Variants in NUP93 observed in about 807,000 individuals in gnomAD.
NUP93 encodes the protein nuclear pore complex protein Nup93.
In NUP93, 55 loss-of-function variants were observed where a neutral mutation model predicts 107.8. The ratio of observed to expected loss-of-function variants is 0.51; its 90% CI spans 0.41 to 0.64. The LOEUF is 0.64. Ranked by LOEUF, NUP93 falls within the 30% of genes least tolerant of loss-of-function variation. NUP93 has a pLI of 0.00. For missense variants in NUP93, 937 were observed against 1,044.7 expected, an observed-to-expected ratio of 0.90 and a Z score of 1.42; for synonymous variants, 390 against 397.5, an observed-to-expected ratio of 0.98 and a Z score of 0.22.
intron 3 of NUP93, among the ~76,000 whole-genome samples, chr16:56,790,096 TCAAAACAAAACAAAACAAAA>T (rs57242557): frequency 6.7e-6 from 1 of 149,204 alleles, no homozygotes; most frequent in Non-Finnish European, 1.5e-5. Flanking sequence ...AAACTCCATC[TCAAAACAAAACAAAACAAAA>T]CAAAACAAAA....
chr16:56,789,298 A>T (rs770610759), intron 3 of NUP93, among the ~76,000 whole-genome samples: 1 of 152,238 alleles, frequency 6.6e-6, no homozygotes, highest in Admixed American at 6.5e-5. Flanking sequence ...ATGCACATTC[A>T]ATTCTCTTTA....
At chr16:56,737,613 C>A (rs77448494) in intron 1 of NUP93, among the ~76,000 whole-genome samples, 3,369 of 139,782 alleles carry the variant, frequency 0.024, 67 homozygotes, top group East Asian at 0.087. Context: ...TAAATGGAGT[C>A]ATACGGTGCT....
intron 3 of NUP93, among the ~76,000 whole-genome samples, chr16:56,761,694 G>A (rs75751223): frequency 0.042 from 6,455 of 152,134 alleles, 202 homozygotes; most frequent in East Asian, 0.077. Flanking sequence ...GACAAGTACC[G>A]TCCAGGACTT....
intron 3 of NUP93, among the ~76,000 whole-genome samples, chr16:56,777,344 A>T (rs1239683838): frequency 2.0e-5 from 3 of 152,124 alleles, no homozygotes; most frequent in African/African-American, 7.2e-5. Context: ...TAGTCATATC[A>T]AAGTCAGAAC....
chr16:56,746,266 C>T (rs1034927724), intron 1 of NUP93, among the ~76,000 whole-genome samples: 1 of 152,134 alleles, frequency 6.6e-6, no homozygotes, highest in Non-Finnish European at 1.5e-5. Flanking sequence ...TGGCCTTGAA[C>T]ATTCCTGAGA....
At chr16:56,746,685 T>C (rs1961825951) in intron 1 of NUP93, among the ~76,000 whole-genome samples, 1 of 152,242 alleles carries the variant, frequency 6.6e-6, no homozygotes. Flanking sequence ...CTGTGCTTCA[T>C]AGCTGACATA....
At chr16:56,814,985 CTT>C (rs1298070501) in intron 5 of NUP93, among the ~76,000 whole-genome samples, 1 of 152,180 alleles carries the variant, frequency 6.6e-6, no homozygotes, top group African/African-American at 2.4e-5. Context: ...GGATAATTGA[CTT>C]TATGTGCGGG....
chr16:56,767,641 A>G (rs1962238523), intron 3 of NUP93, among the ~76,000 whole-genome samples: 1 of 152,156 alleles, frequency 6.6e-6, no homozygotes, highest in Non-Finnish European at 1.5e-5. Context: ...AGGTTATATG[A>G]TATGCTTGAT....
At chr16:56,793,108 C>T (rs533508215) in intron 3 of NUP93, among the ~76,000 whole-genome samples, 2 of 152,244 alleles carry the variant, frequency 1.3e-5, no homozygotes, top group East Asian at 3.9e-4. Flanking sequence ...GTGTCTGGCC[C>T]TTAATTGCTT....
At position 56,754,187 on chromosome 16, in the gene NUP93, A is replaced by G. The variant is rs1024802274; in HGVS notation, c.180-4351A>G. Among the ~76,000 whole-genome samples, 10 of 151,780 alleles carry G rather than the reference A, an allele frequency of 6.6e-5. No individual in the cohort carries two copies. In the South Asian group the frequency reaches 2.1e-3, roughly 32 times the overall value. ...CCAAATCTTATGGGAACTCACGGTC[A>G]TGAGAACAGCAAAGGGGAAGTCTTG... is the stretch of plus-strand genomic sequence containing the variant. On this transcript the variant is annotated intron_variant, in intron 2 of 21. Coordinates refer to ENST00000308159, the MANE Select transcript of NUP93 (RefSeq NM_014669.5).
At position 56,797,254 on chromosome 16, in the gene NUP93, A is replaced by G. The variant is rs180720842; in HGVS notation, c.298-1222A>G. On this transcript the variant is annotated intron_variant, in intron 3 of 21. Coordinates refer to ENST00000308159, the MANE Select transcript of NUP93 (RefSeq NM_014669.5). ...CACTGCACTCCAGCCTGGGTGACAG[A>G]GTGATTTTAGACATGTATAAATGCA... Among the ~76,000 whole-genome samples, 528 of 152,316 alleles carry G rather than the reference A, an allele frequency of 3.5e-3. 1 individual carries two copies. The highest frequency in any genetic ancestry group is 5.0e-3 in the Non-Finnish European group (342 of 68,016).
chr16:56,814,331 G>A (rs562891572), intron 5 of NUP93, among the ~76,000 whole-genome samples: 4 of 152,152 alleles, frequency 2.6e-5, no homozygotes, highest in South Asian at 2.1e-4. Flanking sequence ...GACTACAGGC[G>A]CGTTCTGCCA....
intron 2 of NUP93, among the ~76,000 whole-genome samples, chr16:56,750,336 T>C (rs1434913182): frequency 6.6e-6 from 1 of 152,186 alleles, no homozygotes; most frequent in Admixed American, 6.5e-5. Context: ...GGTGTGAATA[T>C]TTTAGTACAT....
chr16:56,824,075 T>G (rs1963606953), intron 8 of NUP93, among the ~76,000 whole-genome samples: 1 of 152,210 alleles, frequency 6.6e-6, no homozygotes, highest in Non-Finnish European at 1.5e-5. Context: ...AAAATCATGG[T>G]AAATGAGCAC....
chr16:56,836,492 C>A, intron 16 of NUP93, 109 bp from the exon 17 acceptor site: 1 of 697,122 alleles, frequency 1.4e-6, no homozygotes. Context: ...CCAGGGCAAG[C>A]AATTCCACTT....
chr16:56,768,983 C>T (rs559371563), intron 3 of NUP93, among the ~76,000 whole-genome samples: 1 of 152,260 alleles, frequency 6.6e-6, no homozygotes, highest in East Asian at 1.9e-4. Flanking sequence ...TAGGCTTGCT[C>T]ATTTAATCTT....
chr16:56,802,824 A>G (rs1281188143), intron 4 of NUP93, among the ~76,000 whole-genome samples: 2 of 152,196 alleles, frequency 1.3e-5, no homozygotes, highest in African/African-American at 2.4e-5. Context: ...TGTAAATGAA[A>G]TGGCTTTTTG....
intron 8 of NUP93, among the ~76,000 whole-genome samples, chr16:56,824,317 G>C (rs1481832662): frequency 6.6e-6 from 1 of 152,096 alleles, no homozygotes; most frequent in Non-Finnish European, 1.5e-5. Context: ...GGGTCATTCT[G>C]AGCTGATAAT....
At chr16:56,833,509 T>C in intron 13 of NUP93, 103 bp downstream of exon 13, 1 of 920,360 alleles carries the variant, frequency 1.1e-6, no homozygotes, top group Non-Finnish European at 1.5e-6. Context: ...GAGCAAAGGG[T>C]ACCAGTCATT....
Sources: allele counts gnomAD v4.1 joint callset (sites outside exome capture counted in the v4.1 genomes callset), GRCh38; gene constraint gnomAD v4.1.1; transcripts MANE v1.5; gene names NCBI Gene and HGNC (gene_info 2026-07-23, HGNC 2026-07-21).